The following KLF9 variants were observed in gnomAD, a reference collection of about 807,000 sequenced individuals.
The protein encoded by KLF9 is Krueppel-like factor 9.
In KLF9, 2 loss-of-function variants were observed where a neutral mutation model predicts 17.3. The ratio of observed to expected loss-of-function variants is 0.12; its 90% confidence interval spans 0.05 to 0.36. KLF9 has a LOEUF of 0.36. KLF9 is among the 10% of genes least tolerant of loss of function. The probability of loss-of-function intolerance (pLI) is 1.00; values close to 1 mark genes in which losing one functional copy is unlikely to be tolerated. For missense variants in KLF9, 226 were observed against 333.2 expected (o/e 0.68, Z 2.51); for synonymous variants, 138 against 139.2 (o/e 0.99, Z 0.06).
chr9:70,409,234 T>G (rs978198259), intron 1 of KLF9, among the ~76,000 whole-genome samples: 1 of 139,532 alleles, frequency 7.2e-6, no homozygotes, highest in Non-Finnish European at 1.5e-5. Flanking sequence ...ATATATATAC[T>G]GAAAAATATT....
At chr9:70,410,475 A>G (rs1387661449) in intron 1 of KLF9, among the ~76,000 whole-genome samples, 2 of 152,256 alleles carry the variant, frequency 1.3e-5, no homozygotes, top group Non-Finnish European at 2.9e-5. Flanking sequence ...CAGAAGTAGC[A>G]GCACTGAATT....
At chr9:70,401,451 C>T (rs1167328092) in intron 1 of KLF9, among the ~76,000 whole-genome samples, 4 of 151,866 alleles carry the variant, frequency 2.6e-5, no homozygotes, top group African/African-American at 7.2e-5. Flanking sequence ...TTTGGAAGGC[C>T]GAGGCCGGTG....
At chr9:70,399,916 T>TA (rs1019322293) in intron 1 of KLF9, among the ~76,000 whole-genome samples, 1 of 152,092 alleles carries the variant, frequency 6.6e-6, no homozygotes, top group Non-Finnish European at 1.5e-5. Flanking sequence ...TCCTTGAGCT[T>TA]AAAAAAACTC....
At position 70,404,054 on chromosome 9, in the gene KLF9, G is replaced by A. The variant is rs144955160; in HGVS notation, c.505+8805C>T. 2.4e-3 allele frequency among the ~76,000 whole-genome samples: 373 copies of A among 152,250 alleles called. 1 individual carries two copies. Among genetic ancestry groups the A allele is most frequent in the African/African-American group, 8.2e-3 (342 of 41,550 alleles). On this transcript the variant is annotated intron_variant, in intron 1 of 1. Coordinates refer to ENST00000377126, the MANE Select transcript of KLF9 (RefSeq NM_001206.4). ...AGAGACAGACTAGGAAAATTCCAGT[G>A]TAACCTTGAACTACGTTAACTAACT...
Position 70,387,955 on chromosome 9 carries a change from G to A in KLF9, c.556C>T (p.Arg186Cys). The change falls in exon 2 of 2, where the codon CGC (arginine) becomes TGC (cysteine). Residue 186 changes from arginine (R) to cysteine (C), a missense_variant. By Grantham distance (180) the Arg-to-Cys change is radical. Coordinates refer to ENST00000377126, the MANE Select transcript of KLF9 (RefSeq NM_001206.4). ...TAGTGGCGGGTCAGCTCGTCTGAGCGGGAGAACTTTTTAAGGCAGTCTGGC... is the reference window on the plus strand; with the variant it reads ...TAGTGGCGGGTCAGCTCGTCTGAGCAGGAGAACTTTTTAAGGCAGTCTGGC... ...TWPDCLKKFS[R>C]SDELTRHYRT... 6.2e-7 allele frequency: 1 copy of A among 1,613,924 alleles called. No homozygotes were observed. Among genetic ancestry groups the A allele is most frequent in the Non-Finnish European group, 8.5e-7 (1 of 1,179,992 alleles).
intron 1 of KLF9, among the ~76,000 whole-genome samples, chr9:70,403,646 A>C (rs938665030): frequency 6.6e-6 from 1 of 152,038 alleles, no homozygotes; most frequent in Non-Finnish European, 1.5e-5. Context: ...AATGAGAGCT[A>C]CCCCTAGATG....
intron 1 of KLF9, among the ~76,000 whole-genome samples, chr9:70,409,092 GTATATATA>G (rs1448941452): frequency 0.019 from 1,644 of 85,052 alleles, 51 homozygotes; most frequent in Non-Finnish European, 0.032. Context: ...ACACATATAT[GTATATATA>G]TGTGTATATA....
chr9:70,400,980 G>T (rs777495626), intron 1 of KLF9, among the ~76,000 whole-genome samples: 3 of 151,890 alleles, frequency 2.0e-5, no homozygotes, highest in Admixed American at 2.0e-4. Context: ...CCCCTCTTTG[G>T]GCATGTATTT....
intron 1 of KLF9, among the ~76,000 whole-genome samples, chr9:70,391,630 G>A (rs955576373): frequency 1.3e-5 from 2 of 151,996 alleles, no homozygotes; most frequent in African/African-American, 4.8e-5. Context: ...AAAAGGCCCG[G>A]GATCATTTTG....
rs1019620900 is a variant in KLF9 at position 70,413,849 on chromosome 9, G to T, written c.-486C>A. 1.3e-5 allele frequency: 2 copies of T among 152,848 alleles called. No homozygotes were observed. The highest frequency in any genetic ancestry group is 1.3e-4 in the Admixed American group (2 of 15,310). The allele number at this position is 152,848 out of a possible 1,614,324, so 9.5% of individuals were successfully genotyped here. On this transcript the variant is annotated 5_prime_UTR_variant, in exon 1 of 2. Transcript: ENST00000377126. The surrounding 1 kb of genome is among the most constrained non-coding windows in gnomAD (Gnocchi z 5.6). ...GATCACCCCGACGCGGGTGGCGAGG[G>T]TCCCGCCGAGCGCCAGGTCTAAGAG...
At position 70,413,032 on chromosome 9, in the gene KLF9, G is replaced by C. The variant is rs987352488; in HGVS notation, c.332C>G (p.Pro111Arg). The C allele has an allele frequency of 6.2e-7, 1 of 1,614,106 alleles. No individual in the cohort carries two copies. The highest frequency in any genetic ancestry group is 1.1e-5 in the South Asian group (1 of 91,068). The stretch of plus-strand genomic sequence containing the variant: ...GCTGCCAGGATCCTGTCTCTCCTCC[G>C]GGCTGTGGGAAGGACTCGACCCAGA... Reference protein sequence around the residue: ...TESGSSPSHSPEERQDPGSAP... With the variant: ...TESGSSPSHSREERQDPGSAP... Residue 111 changes from proline (P) to arginine (R), a missense_variant, in exon 1 of 2, where the codon CCG (proline) becomes CGG (arginine). Transcript: ENST00000377126. This position sits in a 1 kb window ranked among gnomAD's most constrained non-coding sequence, Gnocchi z 5.6.
At chr9:70,396,168 T>C (rs938177849) in intron 1 of KLF9, among the ~76,000 whole-genome samples, 10 of 152,182 alleles carry the variant, frequency 6.6e-5, no homozygotes, top group Admixed American at 4.6e-4. Context: ...GTGGGATTTA[T>C]AATTAATCCA....
chr9:70,402,904 CTT>C (rs914833577), intron 1 of KLF9, among the ~76,000 whole-genome samples: 8 of 152,158 alleles, frequency 5.3e-5, no homozygotes, highest in Non-Finnish European at 1.0e-4. Context: ...AATCCCAACA[CTT>C]TGAGAGGCCG....
intron 1 of KLF9, among the ~76,000 whole-genome samples, chr9:70,394,050 G>T (rs926760095): frequency 2.0e-5 from 3 of 148,758 alleles, no homozygotes. Context: ...AAAAAGAGTG[G>T]TTTCTGATTG....
intron 1 of KLF9, among the ~76,000 whole-genome samples, chr9:70,391,586 A>T (rs2037153542): frequency 6.6e-6 from 1 of 152,176 alleles, no homozygotes; most frequent in Non-Finnish European, 1.5e-5. Flanking sequence ...TTACGCATTT[A>T]AAAAAGATCT....
intron 1 of KLF9, among the ~76,000 whole-genome samples, chr9:70,394,796 G>A (rs1364727703): frequency 1.3e-5 from 2 of 152,160 alleles, no homozygotes; most frequent in African/African-American, 4.8e-5. Flanking sequence ...AACAATAAAA[G>A]TTCAGGACCT....
chr9:70,413,128 G>A lies in KLF9; in HGVS notation c.236C>T (p.Pro79Leu). The A allele has an allele frequency of 6.2e-7, 1 of 1,614,166 alleles. No individual in the cohort carries two copies. The highest frequency in any genetic ancestry group is 8.5e-7 in the Non-Finnish European group (1 of 1,180,038). Reference protein sequence around the residue: ...DLNKYRPIQTPSVCSDSLESP... With the variant: ...DLNKYRPIQTLSVCSDSLESP... ...TTCCAGACTGTCGCTGCACACGGAG[G>A]GGGTCTGGATGGGTCGGTACTTGTT... The change falls in exon 1 of 2, where the codon CCC (proline) becomes CTC (leucine). Residue 79 changes from proline to leucine, a missense_variant. Physicochemically the swap from Pro to Leu is moderately conservative, Grantham distance 98. Coordinates refer to ENST00000377126, the MANE Select transcript of KLF9 (RefSeq NM_001206.4). The surrounding 1 kb of genome is among the most constrained non-coding windows in gnomAD (Gnocchi z 5.6).
chr9:70,393,927 C>A (rs1009636267), intron 1 of KLF9, among the ~76,000 whole-genome samples: 1 of 147,400 alleles, frequency 6.8e-6, no homozygotes, highest in Non-Finnish European at 1.5e-5. Flanking sequence ...GAGGCTGAGG[C>A]GGGAAGATTG....
intron 1 of KLF9, 104 bp from the exon 2 acceptor site, chr9:70,388,109 G>C (rs770667103): frequency 3.3e-6 from 3 of 902,670 alleles, no homozygotes; most frequent in Non-Finnish European, 3.4e-6. Context: ...TAAATCCCTC[G>C]GAGATGATTA....
Sources: gnomAD v4.1 joint callset for allele counts (sites outside exome capture counted in the v4.1 genomes callset) on GRCh38, gnomAD v4.1.1 for gene constraint, Gnocchi (gnomAD v3.1) non-coding constraint, MANE v1.5 for transcripts, NCBI Gene and HGNC (gene_info 2026-07-23, HGNC 2026-07-21) for gene names.